Variants in METTL15 observed in about 807,000 individuals in gnomAD.
METTL15 encodes the protein 12S rRNA N(4)-cytidine methyltransferase METTL15.
Under a neutral mutation model 38.3 loss-of-function variants are expected in METTL15, and 34 were observed. The ratio of observed to expected loss-of-function variants is 0.89; its 90% CI spans 0.68 to 1.18. The LOEUF is 1.18. METTL15 is among the 50% of genes most tolerant of loss of function. The pLI, the probability that METTL15 is intolerant of heterozygous loss-of-function variation, is 0.00. For missense variants in METTL15, 438 were observed against 498.4 expected (o/e 0.88, Z 1.15); for synonymous variants, 162 against 170.9 (o/e 0.95, Z 0.41).
intron 6 of METTL15, among the ~76,000 whole-genome samples, chr11:28,523,351 T>C (rs1372557283): frequency 1.3e-5 from 2 of 152,204 alleles, no homozygotes; most frequent in African/African-American, 4.8e-5. Context: ...TATAAAATTC[T>C]CCCTTATACA....
chr11:28,232,757 G>A (rs570447072), intron 4 of METTL15, among the ~76,000 whole-genome samples: 1 of 151,992 alleles, frequency 6.6e-6, no homozygotes, highest in African/African-American at 2.4e-5. Flanking sequence ...TTTAGTGGGC[G>A]TGAAAGGGTT....
intron 4 of METTL15, among the ~76,000 whole-genome samples, chr11:28,353,301 C>A (rs1850058101): frequency 6.6e-6 from 1 of 151,990 alleles, no homozygotes; most frequent in East Asian, 1.9e-4. Flanking sequence ...TGACAAGGAG[C>A]CATTTTGAAG....
intron 6 of METTL15, among the ~76,000 whole-genome samples, chr11:28,489,846 C>T (rs1851479211): frequency 6.6e-6 from 1 of 152,130 alleles, no homozygotes; most frequent in Admixed American, 6.5e-5. Context: ...AGCTGGCACA[C>T]TGTAAGTGTT....
intron 6 of METTL15, among the ~76,000 whole-genome samples, chr11:28,304,185 CCAAA>C (rs1406272901): frequency 6.6e-6 from 1 of 152,020 alleles, no homozygotes; most frequent in Non-Finnish European, 1.5e-5. Flanking sequence ...CTGTCCATAA[CCAAA>C]CAGTGTGATT....
At chr11:28,222,461 A>G (rs369463604) in intron 4 of METTL15, among the ~76,000 whole-genome samples, 109 of 152,224 alleles carry the variant, frequency 7.2e-4, no homozygotes, top group African/African-American at 2.3e-3. Context: ...CACCCTTTTC[A>G]TTGGCTAGGA....
At chr11:28,527,766 A>C (rs1252058041), downstream of METTL15, among the ~76,000 whole-genome samples, 1 of 152,242 alleles carries the variant, frequency 6.6e-6, no homozygotes, top group Non-Finnish European at 1.5e-5. Flanking sequence ...GAGAGGATTA[A>C]AAACAAGGCA....
intron 5 of METTL15, among the ~76,000 whole-genome samples, chr11:28,394,914 C>G (rs866385925): frequency 9.9e-5 from 15 of 152,030 alleles, no homozygotes; most frequent in African/African-American, 2.4e-4. Flanking sequence ...CATAATGAAT[C>G]AAACCATTCA....
At chr11:28,138,557 A>G (rs1849590835) in intron 3 of METTL15, among the ~76,000 whole-genome samples, 1 of 152,236 alleles carries the variant, frequency 6.6e-6, no homozygotes, top group African/African-American at 2.4e-5. Flanking sequence ...TACAAAATCT[A>G]GAATCTTTAA....
In METTL15 at chr11:28,305,255, A is replaced by G. The variant is rs924741848; in HGVS notation, c.778+8324A>G. Among the ~76,000 whole-genome samples the G allele has an allele frequency of 5.9e-5, 9 of 152,308 alleles. No individual in the cohort carries two copies. The East Asian group carries it at 1.5e-3, about 26-fold the overall frequency. On this transcript the variant is annotated intron_variant, in intron 6 of 6. Coordinates refer to ENST00000407364, the MANE Select transcript of METTL15 (RefSeq NM_001113528.2). ...TGAGTAACTTTTCCTAAAAAAGTCT[A>G]GCTGTTCTCAGTTTGTGGCACCAAA...
intron 3 of METTL15, among the ~76,000 whole-genome samples, chr11:28,133,762 T>G (rs1158559362): frequency 6.6e-6 from 1 of 152,124 alleles, no homozygotes; most frequent in Non-Finnish European, 1.5e-5. Context: ...ATATATCCTC[T>G]AGTCTTAACC....
At chr11:28,239,060 C>CT (rs1215757021) in intron 4 of METTL15, among the ~76,000 whole-genome samples, 1 of 152,032 alleles carries the variant, frequency 6.6e-6, no homozygotes, top group African/African-American at 2.4e-5. Flanking sequence ...CTACAGGCCT[C>CT]TTTTCTATTT....
At position 28,131,346 on chromosome 11, in the gene METTL15, C is replaced by T. The variant is rs146419282; in HGVS notation, c.270+17742C>T. Among the ~76,000 whole-genome samples the T allele has an allele frequency of 3.3e-3, 498 of 152,236 alleles. 2 individuals are homozygous for T. Among genetic ancestry groups the T allele is most frequent in the Admixed American group, 5.7e-3 (87 of 15,280 alleles). Reference sequence around the variant, plus strand: ...CCTGTCCACATTTAGCTTCTTTCCTCGCACCATCTCTAGCCCAGGTTTACC... The same window carrying T: ...CCTGTCCACATTTAGCTTCTTTCCTTGCACCATCTCTAGCCCAGGTTTACC... On this transcript the variant is annotated intron_variant, in intron 3 of 6. Coordinates refer to ENST00000407364, the MANE Select transcript of METTL15 (RefSeq NM_001113528.2).
chr11:28,433,310 T>C (rs891914841), intron 6 of METTL15, among the ~76,000 whole-genome samples: 4 of 152,180 alleles, frequency 2.6e-5, no homozygotes, highest in African/African-American at 9.7e-5. Context: ...ATAACAAACC[T>C]GAGTTGACAC....
intron 5 of METTL15, among the ~76,000 whole-genome samples, chr11:28,382,799 C>T (rs1487667281): frequency 6.6e-6 from 1 of 150,874 alleles, no homozygotes; most frequent in Non-Finnish European, 1.5e-5. Context: ...AGCGCCACTG[C>T]ACTGCAGCCT....
At position 28,512,198 on chromosome 11, in the gene METTL15, G is replaced by A. The variant is rs140263245; in HGVS notation, c.*425-14280G>A. Reference sequence around the variant, plus strand: ...AGCTAGATACAGAGTGTTGATTGGTGCATTTACAACCCTTAGCTAGACATA... The same window carrying A: ...AGCTAGATACAGAGTGTTGATTGGTACATTTACAACCCTTAGCTAGACATA... On this transcript the variant is annotated intron_variant and NMD_transcript_variant, in intron 6 of 7. Coordinates refer to the METTL15 transcript ENST00000532947. 8.7e-3 allele frequency among the ~76,000 whole-genome samples: 1,323 copies of A among 152,310 alleles called. 16 individuals carry two copies. Among genetic ancestry groups the A allele is most frequent in the Non-Finnish European group, 9.9e-3 (672 of 68,030 alleles).
At chr11:28,379,667 A>G (rs1208144468) in intron 5 of METTL15, among the ~76,000 whole-genome samples, 1 of 152,162 alleles carries the variant, frequency 6.6e-6, no homozygotes, top group Non-Finnish European at 1.5e-5. Context: ...TACTGATGAG[A>G]ATAATGTGAT....
intron 3 of METTL15, among the ~76,000 whole-genome samples, chr11:28,203,748 C>T (rs1471617029): frequency 1.3e-5 from 2 of 151,948 alleles, no homozygotes; most frequent in Non-Finnish European, 2.9e-5. Context: ...GATAAAATGA[C>T]ATTTAGTTGT....
At chr11:28,210,951 C>T (rs1852608874) in intron 3 of METTL15, 111 bp from the exon 4 acceptor site, 1 of 1,125,182 alleles carries the variant, frequency 8.9e-7, no homozygotes, top group East Asian at 2.6e-5. Flanking sequence ...AATTATTTTC[C>T]TATTTACTGT....
chr11:28,472,548 C>A (rs1467135771), intron 6 of METTL15, among the ~76,000 whole-genome samples: 1 of 152,026 alleles, frequency 6.6e-6, no homozygotes, highest in Admixed American at 6.6e-5. Flanking sequence ...AACATCTAGT[C>A]CAACAGGGCT....
Sources: allele counts gnomAD v4.1 joint callset (sites outside exome capture counted in the v4.1 genomes callset), GRCh38; gene constraint gnomAD v4.1.1; transcripts MANE v1.5; gene names NCBI Gene and HGNC (gene_info 2026-07-23, HGNC 2026-07-21).